Variants in RUFY3 observed in about 807,000 individuals in gnomAD.
RUFY3 encodes the protein protein RUFY3.
RUFY3 carries 34 observed loss-of-function variants against 84.0 expected under a neutral mutation model. That is an observed-to-expected ratio of 0.40 (90% CI 0.31 to 0.54). The LOEUF is 0.54. Among genes scored for constraint, RUFY3 ranks in the 20% least tolerant of loss-of-function variants. RUFY3 has a pLI of 0.39. For synonymous variants in RUFY3, 242 were observed against 252.9 expected (o/e 0.96, Z 0.41); for missense variants, 507 against 736.8 (o/e 0.69, Z 3.61).
intron 7 of RUFY3, among the ~76,000 whole-genome samples, chr4:70,777,319 T>C (rs569177044): frequency 6.6e-6 from 1 of 152,360 alleles, no homozygotes; most frequent in South Asian, 2.1e-4. Context: ...TGAGAAGAGC[T>C]ATCCAAAAGC....
At chr4:70,768,429 A>G in intron 4 of RUFY3, 109 bp from the exon 5 acceptor site, 2 of 953,552 alleles carry the variant, frequency 2.1e-6, no homozygotes, top group Non-Finnish European at 1.5e-6. Context: ...AGATGGCTAT[A>G]ATCAACCATG....
intron 1 of RUFY3, among the ~76,000 whole-genome samples, chr4:70,761,497 C>A (rs190005261): frequency 7.2e-4 from 110 of 152,280 alleles, no homozygotes; most frequent in African/African-American, 2.5e-3. Flanking sequence ...CAGGGCAGAG[C>A]AGCTGAAGCT....
intron 14 of RUFY3, among the ~76,000 whole-genome samples, chr4:70,797,214 A>G (rs528672274): frequency 6.6e-6 from 1 of 152,176 alleles, no homozygotes; most frequent in South Asian, 2.1e-4. Context: ...AAGTGCTAGG[A>G]TGACAGGCAT....
intron 9 of RUFY3, 107 bp from the exon 10 acceptor site, chr4:70,784,689 A>G: frequency 3.3e-6 from 2 of 605,870 alleles, no homozygotes; most frequent in South Asian, 4.2e-5. Context: ...GTTCATTATT[A>G]TACCTGCTTC....
Position 70,756,556 on chromosome 4 carries a change from C to T in RUFY3, c.179-5963C>T, listed in dbSNP as rs529460977. ...TGTTATGTTCTTCCATACTTCTGTA[C>T]CTTTACCTAAGCTATTCCTTCCATC... On this transcript the variant is annotated intron_variant, in intron 1 of 17. Transcript: ENST00000381006. Among the ~76,000 whole-genome samples the T allele has an allele frequency of 1.4e-4, 21 of 152,234 alleles. No individual in the cohort carries two copies. In the South Asian group the frequency reaches 1.5e-3, roughly 11 times the overall value.
At chr4:70,733,939 A>G (rs1267714682) in intron 1 of RUFY3, among the ~76,000 whole-genome samples, 1 of 152,182 alleles carries the variant, frequency 6.6e-6, no homozygotes, top group Non-Finnish European at 1.5e-5. Context: ...TCTTTATGAA[A>G]ATTAACGGGT....
intron 5 of RUFY3, among the ~76,000 whole-genome samples, chr4:70,771,498 A>G (rs970009721): frequency 2.0e-5 from 3 of 152,146 alleles, no homozygotes; most frequent in African/African-American, 7.2e-5. Flanking sequence ...GTCAATTAAC[A>G]CATATTTTGT....
At chr4:70,774,824 T>C (rs1727651013) in intron 6 of RUFY3, among the ~76,000 whole-genome samples, 1 of 151,510 alleles carries the variant, frequency 6.6e-6, no homozygotes, top group Non-Finnish European at 1.5e-5. Context: ...GTTGTTACTA[T>C]AAATACTACT....
intron 12 of RUFY3, chr4:70,791,588 A>C: frequency 8.2e-7 from 1 of 1,212,978 alleles, no homozygotes; most frequent in South Asian, 2.1e-5. Context: ...ACTTTCTTTA[A>C]AAAAGCCTAG....
intron 1 of RUFY3, among the ~76,000 whole-genome samples, chr4:70,709,956 A>G (rs1162588517): frequency 6.6e-6 from 1 of 152,242 alleles, no homozygotes; most frequent in Non-Finnish European, 1.5e-5. Context: ...GAAGAGGAAT[A>G]GAAGAAAAAG....
At chr4:70,757,684 C>G (rs1724267172) in intron 1 of RUFY3, among the ~76,000 whole-genome samples, 1 of 152,108 alleles carries the variant, frequency 6.6e-6, no homozygotes, top group East Asian at 1.9e-4. Context: ...TATGTTTATC[C>G]TGAAATTTCA....
rs1033567414 is a variant in RUFY3, at chr4:70,795,604, C to T, written c.1557+710C>T. Among the ~76,000 whole-genome samples the T allele has an allele frequency of 7.2e-5, 11 of 151,834 alleles. No individual in the cohort carries two copies. In the East Asian group the frequency reaches 1.2e-3, roughly 16 times the overall value. ...TTCTGTGTGTACATATTATACAAGGCGACTTCAAAAAGATCATGGGAAATG... is the reference window on the plus strand; with the variant it reads ...TTCTGTGTGTACATATTATACAAGGTGACTTCAAAAAGATCATGGGAAATG... On this transcript the variant is annotated intron_variant, in intron 14 of 17. Coordinates refer to ENST00000381006, the MANE Select transcript of RUFY3 (RefSeq NM_001037442.4).
chr4:70,798,838 G>A (rs1731855020), intron 14 of RUFY3, among the ~76,000 whole-genome samples: 1 of 151,724 alleles, frequency 6.6e-6, no homozygotes, highest in Admixed American at 6.6e-5. Flanking sequence ...CCCAGGCAGG[G>A]CTTAAGAGTA....
intron 1 of RUFY3, among the ~76,000 whole-genome samples, chr4:70,757,001 C>T (rs1374499957): frequency 4.6e-5 from 7 of 152,100 alleles, no homozygotes; most frequent in Middle Eastern, 3.4e-3. Context: ...CTGGGCATGG[C>T]GACCCATGCC....
chr4:70,801,648 A>T (rs1250362019), intron 15 of RUFY3, among the ~76,000 whole-genome samples: 2 of 152,192 alleles, frequency 1.3e-5, no homozygotes. Flanking sequence ...TGTCATCTGG[A>T]GCAAAAGTAG....
At chr4:70,749,418 A>T (rs1722756962) in intron 1 of RUFY3, among the ~76,000 whole-genome samples, 1 of 152,118 alleles carries the variant, frequency 6.6e-6, no homozygotes, top group South Asian at 2.1e-4. Context: ...AATCTATTAA[A>T]GATTAGAGAA....
At chr4:70,803,206 T>G (rs1203710028) in intron 16 of RUFY3, 1 of 410,492 alleles carries the variant, frequency 2.4e-6, no homozygotes, top group Non-Finnish European at 4.3e-6. Context: ...TATTTTAAAT[T>G]ATCCCTGACA....
At chr4:70,792,869 C>T (rs1731032638) in intron 12 of RUFY3, 3 of 985,304 alleles carry the variant, frequency 3.0e-6, no homozygotes. Context: ...TTATAATTTG[C>T]ACCTATATAA....
chr4:70,738,999 A>C (rs1720870897), intron 1 of RUFY3, among the ~76,000 whole-genome samples: 1 of 151,466 alleles, frequency 6.6e-6, no homozygotes, highest in African/African-American at 2.4e-5. Flanking sequence ...ACAGGCATGA[A>C]CCACCACACC....
Sources: allele counts gnomAD v4.1 joint callset (sites outside exome capture counted in the v4.1 genomes callset), GRCh38; gene constraint gnomAD v4.1.1; transcripts MANE v1.5; gene names NCBI Gene and HGNC (gene_info 2026-07-23, HGNC 2026-07-21).